The following EVC2 variants were observed in gnomAD, a reference collection of about 807,000 sequenced individuals.
EVC2 encodes the protein limbin.
EVC2 carries 148 observed loss-of-function variants against 149.3 expected under a neutral mutation model. That is an observed-to-expected ratio of 0.99 (90% CI 0.87 to 1.14). EVC2 has a LOEUF of 1.14. EVC2 is among the 50% of genes most tolerant of loss of function. The pLI is 0.00. For missense variants in EVC2, 1,854 were observed against 1,627.3 expected, an observed-to-expected ratio of 1.14 and a Z score of -2.40; for synonymous variants, 776 against 649.9, an observed-to-expected ratio of 1.19 and a Z score of -2.95.
rs1721469168 is a variant in EVC2 at position 5,696,213 on chromosome 4, G to C, written c.283+1380C>G. On this transcript the variant is annotated intron_variant, in intron 2 of 21. Coordinates refer to ENST00000344408, the MANE Select transcript of EVC2 (RefSeq NM_147127.5). This position sits in a 1 kb window ranked among gnomAD's most constrained non-coding sequence, Gnocchi z 4.1. ...AGCAACCAGGACATAAAGTCTTAAG[G>C]CCACACCTTACCCTTAAGCGCTCCA... Among the ~76,000 whole-genome samples, 1 of 152,140 alleles carries C rather than the reference G, an allele frequency of 6.6e-6. No individual in the cohort carries two copies. Among genetic ancestry groups the C allele is most frequent in the South Asian group, 2.1e-4 (1 of 4,818 alleles).
At chr4:5,543,059 G>A (rs1721545999) in exon 22 of EVC2, 1 of 1,044,420 alleles carries the variant, frequency 9.6e-7, no homozygotes, top group Non-Finnish European at 1.3e-6. Flanking sequence ...TACGCAAACA[G>A]AGGCTCCAAC....
intron 9 of EVC2, among the ~76,000 whole-genome samples, chr4:5,648,018 C>T (rs1010762481): frequency 6.6e-6 from 1 of 152,074 alleles, no homozygotes; most frequent in African/African-American, 2.4e-5. Flanking sequence ...CTAAAGCTGA[C>T]GTCTTTTTTT....
At position 5,637,302 on chromosome 4, in the gene EVC2, A is replaced by AG. The variant is rs1261679977; in HGVS notation, c.1470+3211dup. On this transcript the variant is annotated intron_variant, in intron 10 of 21. Coordinates refer to ENST00000344408, the MANE Select transcript of EVC2 (RefSeq NM_147127.5). This position sits in a 1 kb window ranked among gnomAD's most constrained non-coding sequence, Gnocchi z 4.4. ...AGGGGGACGTAACCTCCACTGCAGGAGGGGGCAGTGTGCGCAGTGGTTGGG... is the reference window on the plus strand; with the variant it reads ...AGGGGGACGTAACCTCCACTGCAGGAGGGGGGCAGTGTGCGCAGTGGTTGGG... Among the ~76,000 whole-genome samples, 1 of 152,094 alleles carries AG rather than the reference A, an allele frequency of 6.6e-6. No individual in the cohort carries two copies. The highest frequency in any genetic ancestry group is 1.5e-5 in the Non-Finnish European group (1 of 68,012).
chr4:5,606,863 C>G (rs1487186578), intron 16 of EVC2, among the ~76,000 whole-genome samples: 2 of 152,142 alleles, frequency 1.3e-5, no homozygotes, highest in Non-Finnish European at 2.9e-5. Flanking sequence ...CTATTATCCA[C>G]ACTTGAATGA....
intron 19 of EVC2, 72 bp from the exon 20 acceptor site, chr4:5,568,712 C>T (rs1044930828): frequency 1.4e-5 from 21 of 1,455,648 alleles, no homozygotes; most frequent in Non-Finnish European, 2.0e-5. Flanking sequence ...TAATTTATCA[C>T]ATTCTGAGGA....
At chr4:5,688,386 G>A (rs1720865239) in intron 5 of EVC2, among the ~76,000 whole-genome samples, 1 of 152,136 alleles carries the variant, frequency 6.6e-6, no homozygotes, top group Admixed American at 6.5e-5. Flanking sequence ...GCCTGAGCTT[G>A]ACTCAGCCTT....
chr4:5,564,591 A>C (rs1006159497), intron 21 of EVC2, among the ~76,000 whole-genome samples: 1 of 152,228 alleles, frequency 6.6e-6, no homozygotes, highest in East Asian at 1.9e-4. Context: ...TCTGGACTAC[A>C]CACTGATATC....
chr4:5,663,180 G>A lies in EVC2; in HGVS notation c.1072C>T (p.Leu358Phe). 1.2e-6 allele frequency: 2 copies of A among 1,614,194 alleles called. No homozygotes were observed. The highest frequency in any genetic ancestry group is 8.5e-7 in the Non-Finnish European group (1 of 1,180,020). The change falls in exon 9 of 22, where the codon CTT becomes TTT. Residue 358 changes from leucine to phenylalanine, a missense_variant. Physicochemically the swap from Leu to Phe is conservative, Grantham distance 22. Transcript: ENST00000344408. ...TCTATCATTTGGTCGTTAAGGGAAA[G>A]GTCCTCATTCACGCCATCAGCTGAG... is the stretch of plus-strand genomic sequence containing the variant. ...FTSADGVNED[L>F]SLNDQMIDIL...
At position 5,640,264 on chromosome 4, in the gene EVC2, T is replaced by C. The variant is rs1339293691; in HGVS notation, c.1470+250A>G. Among the ~76,000 whole-genome samples the C allele has an allele frequency of 6.6e-6, 1 of 151,180 alleles. No homozygotes were observed. The highest frequency in any genetic ancestry group is 1.5e-5 in the Non-Finnish European group (1 of 67,812). ...GTGGATGAATGGATAGGTGCACAGA[T>C]GATTGGATGAGTGGGTGGATGGATG... On this transcript the variant is annotated intron_variant, in intron 10 of 21. Transcript: ENST00000344408. This position sits in a 1 kb window ranked among gnomAD's most constrained non-coding sequence, Gnocchi z 4.6.
Position 5,628,624 on chromosome 4 carries a change from G to C in EVC2, c.1821C>G (p.Thr607=). The change falls in exon 12 of 22, where the codon ACC becomes ACG. Residue 607 remains threonine, a synonymous_variant. Transcript: ENST00000344408. ...CGGTGCTCAGAAGGCCCTGCACACGGGTCTCTGATGACTGGAGGTTCTGGA... is the reference window on the plus strand; with the variant it reads ...CGGTGCTCAGAAGGCCCTGCACACGCGTCTCTGATGACTGGAGGTTCTGGA... The part of the protein sequence containing the change: ...YLVQNLQSSE[T]RVQGLLSTAA... 6.2e-7 allele frequency: 1 copy of C among 1,614,002 alleles called. No individual in the cohort carries two copies. The highest frequency in any genetic ancestry group is 8.5e-7 in the Non-Finnish European group (1 of 1,179,994).
chr4:5,592,017 C>G (rs946084796), intron 16 of EVC2, among the ~76,000 whole-genome samples: 4 of 152,142 alleles, frequency 2.6e-5, no homozygotes, highest in Non-Finnish European at 4.4e-5. Flanking sequence ...TGTCAACCAG[C>G]AGAGAGTTAT....
chr4:5,553,276 C>T (rs1314443704), intron 21 of EVC2, among the ~76,000 whole-genome samples: 1 of 152,130 alleles, frequency 6.6e-6, no homozygotes, highest in African/African-American at 2.4e-5. Flanking sequence ...ACAAACAGAT[C>T]TTGCGAGCAC....
Position 5,567,120 on chromosome 4 carries a change from CCCTCTGACCACGCCAACAACCAGA to C in EVC2, c.3557+1300_3557+1323del, listed in dbSNP as rs1259760438. Among the ~76,000 whole-genome samples, 2 of 152,084 alleles carry C rather than the reference CCCTCTGACCACGCCAACAACCAGA, an allele frequency of 1.3e-5. No individual in the cohort carries two copies. The highest frequency in any genetic ancestry group is 2.9e-5 in the Non-Finnish European group (2 of 68,022). On this transcript the variant is annotated intron_variant, in intron 20 of 21. Transcript: ENST00000344408. This position sits in a 1 kb window ranked among gnomAD's most constrained non-coding sequence, Gnocchi z 4.4. ...GTTCCTCTGACCAGCCCACACCCAG[CCCTCTGACCACGCCAACAACCAGA>C]CCTCTGACCCCCTAACATGCAGCCA...
intron 9 of EVC2, among the ~76,000 whole-genome samples, chr4:5,654,150 G>T (rs183588266): frequency 1.8e-3 from 274 of 152,258 alleles, no homozygotes; most frequent in African/African-American, 6.2e-3. Flanking sequence ...GGAGGCGGAG[G>T]TTGCAGTGAG....
intron 1 of EVC2, among the ~76,000 whole-genome samples, chr4:5,700,943 T>C (rs1157339670): frequency 1.3e-5 from 2 of 152,224 alleles, no homozygotes; most frequent in African/African-American, 2.4e-5. Flanking sequence ...TCACTGCAAA[T>C]GTAGTGGCTT....
At chr4:5,580,301 G>A (rs867806397) in intron 17 of EVC2, among the ~76,000 whole-genome samples, 2 of 152,188 alleles carry the variant, frequency 1.3e-5, no homozygotes, top group African/African-American at 4.8e-5. Context: ...CATATGCATT[G>A]CCTTAACACT....
chr4:5,558,901 A>G (rs570212769), downstream of EVC2, among the ~76,000 whole-genome samples: 3 of 152,278 alleles, frequency 2.0e-5, no homozygotes, highest in South Asian at 6.2e-4. Flanking sequence ...GTTGGAATGG[A>G]GAGGAGAAGG....
intron 1 of EVC2, among the ~76,000 whole-genome samples, chr4:5,701,601 C>A (rs1721828890): frequency 2.0e-5 from 3 of 152,196 alleles, no homozygotes; most frequent in Admixed American, 6.5e-5. Flanking sequence ...AGAGTTCCTC[C>A]TGAGGTGAGC....
chr4:5,652,531 C>A (rs1254788175), intron 9 of EVC2, among the ~76,000 whole-genome samples: 1 of 152,096 alleles, frequency 6.6e-6, no homozygotes. Context: ...AAGGCCGAGA[C>A]GAAGGTGTCA....
Sources: allele counts gnomAD v4.1 joint callset (sites outside exome capture counted in the v4.1 genomes callset), GRCh38; gene constraint gnomAD v4.1.1; non-coding constraint Gnocchi (gnomAD v3.1); transcripts MANE v1.5; gene names NCBI Gene and HGNC (gene_info 2026-07-23, HGNC 2026-07-21).